The following DCC variants were observed in gnomAD, a reference collection of about 807,000 sequenced individuals.
The protein encoded by DCC is netrin receptor DCC.
Under a neutral mutation model 172.5 loss-of-function variants are expected in DCC, and 58 were observed. The observed-to-expected ratio is 0.34, with a 90% CI of 0.27 to 0.42. DCC has a LOEUF of 0.42. DCC is among the 10% of genes least tolerant of loss of function. The pLI is 1.00. For missense variants in DCC, 1,740 were observed against 1,791.0 expected (o/e 0.97, Z 0.51); for synonymous variants, 709 against 644.5 (o/e 1.10, Z -1.52).
At chr18:52,432,277 T>G (rs912579932) in intron 1 of DCC, among the ~76,000 whole-genome samples, 3 of 152,150 alleles carry the variant, frequency 2.0e-5, no homozygotes, top group Non-Finnish European at 2.9e-5. Flanking sequence ...GTCTGGCTAC[T>G]GAAACTGGAG....
chr18:52,961,337 G>A (rs1182045218), intron 5 of DCC, among the ~76,000 whole-genome samples: 2 of 152,060 alleles, frequency 1.3e-5, no homozygotes, highest in African/African-American at 4.8e-5. Context: ...TGTGCACTAA[G>A]ACACAATGAT....
chr18:53,466,448 T>C (rs1050867086), intron 24 of DCC, among the ~76,000 whole-genome samples: 9 of 152,232 alleles, frequency 5.9e-5, no homozygotes, highest in African/African-American at 9.6e-5. Context: ...TATTTCTCTT[T>C]GTACTTACAG....
chr18:53,033,307 G>C (rs146635883), intron 5 of DCC, among the ~76,000 whole-genome samples: 284 of 152,222 alleles, frequency 1.9e-3, no homozygotes, highest in Non-Finnish European at 3.0e-3. Context: ...CCTAAATTAT[G>C]TTGATTCCCA....
At chr18:53,130,189 A>T (rs759133195) in intron 7 of DCC, among the ~76,000 whole-genome samples, 26 of 152,112 alleles carry the variant, frequency 1.7e-4, no homozygotes, top group Non-Finnish European at 2.8e-4. Context: ...ATAATTGAAA[A>T]TTGTGTTAGT....
At chr18:53,118,544 G>A (rs2043439264) in intron 7 of DCC, among the ~76,000 whole-genome samples, 1 of 151,714 alleles carries the variant, frequency 6.6e-6, no homozygotes, top group Non-Finnish European at 1.5e-5. Flanking sequence ...CCTTTGGGAA[G>A]AATTCCAGAA....
At chr18:52,342,278 TGC>T (rs1446729298) in intron 1 of DCC, among the ~76,000 whole-genome samples, 2 of 101,130 alleles carry the variant, frequency 2.0e-5, no homozygotes, top group East Asian at 7.4e-4. Flanking sequence ...TGTGTGTGTG[TGC>T]GTGTGTGTGT....
At chr18:53,275,986 A>G (rs1233324032) in intron 12 of DCC, among the ~76,000 whole-genome samples, 1 of 152,140 alleles carries the variant, frequency 6.6e-6, no homozygotes, top group African/African-American at 2.4e-5. Flanking sequence ...TCTCATAAAT[A>G]TAAAATGAAC....
intron 2 of DCC, among the ~76,000 whole-genome samples, chr18:52,794,547 T>C (rs1448607110): frequency 6.6e-6 from 1 of 151,962 alleles, no homozygotes; most frequent in Non-Finnish European, 1.5e-5. Flanking sequence ...GTGGAGTCTT[T>C]AGGTTTTTCT....
chr18:52,822,327 C>T (rs1230802466), intron 2 of DCC, among the ~76,000 whole-genome samples: 4 of 152,118 alleles, frequency 2.6e-5, no homozygotes, highest in Non-Finnish European at 5.9e-5. Flanking sequence ...GTGCTAGGTG[C>T]CCAATTAGTA....
In DCC at chr18:53,486,817, G is replaced by A; in HGVS notation, c.3757G>A (p.Val1253Met). Residue 1253 changes from valine to methionine, a missense_variant, in exon 26 of 29, where the codon GTG becomes ATG. Physicochemically the swap from Val to Met is conservative, Grantham distance 21 (BLOSUM62 1). Around this residue, in one of 2 missense-constraint regions of DCC, gnomAD observed 1,732 missense variants for 1,767.4 expected, o/e 0.98. Transcript: ENST00000442544. Reference sequence around the variant, plus strand: ...TGCAGCTGTCGTGAGCGCCATCCCGGTGCCAACGCTAGAAAGTGCCCAGTA... The same window carrying A: ...TGCAGCTGTCGTGAGCGCCATCCCGATGCCAACGCTAGAAAGTGCCCAGTA... The part of the protein sequence containing the change: ...NNPAVVSAIP[V>M]PTLESAQYPG... 6.2e-7 allele frequency: 1 copy of A among 1,614,072 alleles called. No homozygotes were observed. The highest frequency in any genetic ancestry group is 8.5e-7 in the Non-Finnish European group (1 of 1,180,006).
chr18:52,762,735 G>T (rs1397593927), intron 2 of DCC, among the ~76,000 whole-genome samples: 3 of 151,842 alleles, frequency 2.0e-5, no homozygotes, highest in African/African-American at 7.3e-5. Flanking sequence ...GAAGTGGGAG[G>T]TTGCTTGAGC....
chr18:52,458,051 T>A (rs1988513232), intron 1 of DCC, among the ~76,000 whole-genome samples: 1 of 152,170 alleles, frequency 6.6e-6, no homozygotes, highest in African/African-American at 2.4e-5. Context: ...TGCGGCCACA[T>A]GGTTTCACTG....
At chr18:53,292,728 T>C (rs375234153) in intron 12 of DCC, among the ~76,000 whole-genome samples, 4 of 152,000 alleles carry the variant, frequency 2.6e-5, no homozygotes, top group African/African-American at 2.4e-5. Context: ...AAAAAACAAA[T>C]CTTTGCACAA....
intron 5 of DCC, among the ~76,000 whole-genome samples, chr18:53,040,048 G>T (rs1016652447): frequency 6.6e-6 from 1 of 151,758 alleles, no homozygotes; most frequent in Admixed American, 6.6e-5. Context: ...AAAATAAATA[G>T]GTATTACAGA....
intron 21 of DCC, among the ~76,000 whole-genome samples, chr18:53,433,001 T>C (rs1463578633): frequency 6.6e-6 from 1 of 152,106 alleles, no homozygotes; most frequent in Non-Finnish European, 1.5e-5. Context: ...ATCAACTTTT[T>C]AAAAAGTGCT....
chr18:53,281,716 T>C (rs917018158), intron 12 of DCC, among the ~76,000 whole-genome samples: 7 of 151,336 alleles, frequency 4.6e-5, no homozygotes, highest in African/African-American at 1.7e-4. Flanking sequence ...TTGGCCTAGG[T>C]GGAAGTATTT....
intron 2 of DCC, among the ~76,000 whole-genome samples, chr18:52,807,150 G>GCGCCA (rs1446949743): frequency 6.6e-6 from 1 of 152,138 alleles, no homozygotes; most frequent in Non-Finnish European, 1.5e-5. Context: ...AGCCGAGGTC[G>GCGCCA]CGCCACTGCA....
At chr18:53,252,343 A>G (rs2056447262) in intron 12 of DCC, among the ~76,000 whole-genome samples, 1 of 151,982 alleles carries the variant, frequency 6.6e-6, no homozygotes, top group South Asian at 2.1e-4. Flanking sequence ...TAGAGTTAAG[A>G]AAAAGAATGA....
chr18:53,194,877 A>G (rs935173313), intron 9 of DCC, among the ~76,000 whole-genome samples: 10 of 152,180 alleles, frequency 6.6e-5, no homozygotes, highest in African/African-American at 2.2e-4. Context: ...TAATCTCTTC[A>G]TGTTCTTCTA....
Sources: allele counts gnomAD v4.1 joint callset (sites outside exome capture counted in the v4.1 genomes callset), GRCh38; gene constraint gnomAD v4.1.1; regional missense constraint gnomAD v4.1.1; transcripts MANE v1.5; gene names NCBI Gene and HGNC (gene_info 2026-07-23, HGNC 2026-07-21).